Variants in DTWD2 observed in about 807,000 individuals in gnomAD.
DTWD2 encodes tRNA-uridine aminocarboxypropyltransferase 2.
A neutral mutation model predicts 31.8 loss-of-function variants in DTWD2; 39 were observed. That is an observed-to-expected ratio of 1.22 (90% CI 0.95 to 1.60). DTWD2 has a LOEUF of 1.60. Among genes scored for constraint, DTWD2 ranks in the 40% most tolerant of loss-of-function variants. The pLI, the probability that DTWD2 is intolerant of heterozygous loss-of-function variation, is 0.00. For missense variants in DTWD2, 515 were observed against 381.5 expected, an observed-to-expected ratio of 1.35 and a Z score of -2.92; for synonymous variants, 180 against 142.8, an observed-to-expected ratio of 1.26 and a Z score of -1.86.
rs1751579490 is a variant in DTWD2, at chr5:118,836,766, A to G, written c.*4151T>C. Among the ~76,000 whole-genome samples, 1 of 152,204 alleles carries G rather than the reference A, an allele frequency of 6.6e-6. No homozygotes were observed. The highest frequency in any genetic ancestry group is 2.1e-4 in the South Asian group (1 of 4,832). ...CCTTCCACTAGGTGAAGACACAGCT[A>G]GAATGCACCATCTATGAACCAGTGA... is the stretch of plus-strand genomic sequence containing the variant. On this transcript the variant is annotated 3_prime_UTR_variant, in exon 6 of 6. Transcript: ENST00000510708.
intron 4 of DTWD2, among the ~76,000 whole-genome samples, chr5:118,883,567 C>T (rs1474981096): frequency 6.6e-6 from 1 of 152,158 alleles, no homozygotes; most frequent in African/African-American, 2.4e-5. Flanking sequence ...CAGTTCCCCG[C>T]ATAGCTGAGG....
chr5:118,880,895 T>C (rs1215474189), intron 4 of DTWD2, among the ~76,000 whole-genome samples: 1 of 152,198 alleles, frequency 6.6e-6, no homozygotes, highest in Non-Finnish European at 1.5e-5. Context: ...TCAATATTTT[T>C]ATACAGCTTT....
chr5:118,846,959 C>T lies in DTWD2; in HGVS notation c.726+1131G>A, dbSNP rs866750533. Among the ~76,000 whole-genome samples the T allele has an allele frequency of 4.7e-3, 637 of 135,980 alleles. 8 individuals carry two copies. The highest frequency in any genetic ancestry group is 0.03 in the East Asian group (153 of 5,056). 89.2% of individuals were successfully genotyped at this position (135,980 alleles called of 152,430 possible). A position where few individuals can be genotyped will look rare whatever the true frequency, so the allele number is the denominator to read the frequency against. ...ACACACACACACACACACACACACA[C>T]ACACACATACACACGAAAATCCTAG... On this transcript the variant is annotated intron_variant, in intron 5 of 5. Coordinates refer to ENST00000510708, the MANE Select transcript of DTWD2 (RefSeq NM_173666.4).
chr5:118,980,741 C>A (rs1335928467), intron 1 of DTWD2, among the ~76,000 whole-genome samples: 1 of 152,188 alleles, frequency 6.6e-6, no homozygotes, highest in South Asian at 2.1e-4. Context: ...TGGAAAATAG[C>A]TTGACAATTC....
At chr5:118,952,120 A>C (rs1163760920) in intron 1 of DTWD2, among the ~76,000 whole-genome samples, 2 of 152,210 alleles carry the variant, frequency 1.3e-5, no homozygotes, top group Admixed American at 1.3e-4. Context: ...GACGCCGCTT[A>C]CCCAATTTAA....
At chr5:118,884,490 C>T (rs1158949870) in intron 4 of DTWD2, among the ~76,000 whole-genome samples, 2 of 152,180 alleles carry the variant, frequency 1.3e-5, no homozygotes, top group Non-Finnish European at 2.9e-5. Context: ...CACACTCATA[C>T]ACAAAGTTCA....
At chr5:118,973,850 GAGA>G (rs1203718600) in intron 1 of DTWD2, 4 of 1,612,258 alleles carry the variant, frequency 2.5e-6, no homozygotes, top group African/African-American at 1.3e-5. Context: ...GGACTTACAG[GAGA>G]AGAAGGAAGT....
chr5:118,962,093 C>CTGGGCATGGTG (rs1754719690), intron 1 of DTWD2, among the ~76,000 whole-genome samples: 1 of 152,018 alleles, frequency 6.6e-6, no homozygotes, highest in Non-Finnish European at 1.5e-5. Flanking sequence ...ACAAAATTAG[C>CTGGGCATGGTG]TGGGCATGGT....
At chr5:118,866,176 C>T (rs970831300) in intron 4 of DTWD2, among the ~76,000 whole-genome samples, 2 of 152,102 alleles carry the variant, frequency 1.3e-5, no homozygotes, top group South Asian at 2.1e-4. Context: ...AAGTCTCTCC[C>T]ACTTAAAATT....
At chr5:118,918,274 C>T (rs183744702) in intron 4 of DTWD2, among the ~76,000 whole-genome samples, 13 of 152,188 alleles carry the variant, frequency 8.5e-5, no homozygotes, top group African/African-American at 3.1e-4. Context: ...AGGTAAGAAA[C>T]ATCAAATGGA....
intron 4 of DTWD2, among the ~76,000 whole-genome samples, chr5:118,876,198 G>A (rs949177821): frequency 2.0e-5 from 3 of 152,076 alleles, no homozygotes; most frequent in Non-Finnish European, 4.4e-5. Context: ...TGGGACACAG[G>A]TAAGGCAGTG....
intron 3 of DTWD2, among the ~76,000 whole-genome samples, chr5:118,933,315 TA>T (rs1753967004): frequency 6.6e-6 from 1 of 152,202 alleles, no homozygotes; most frequent in Non-Finnish European, 1.5e-5. Context: ...ATTCATTCTA[TA>T]AGGCCAGCAT....
intron 4 of DTWD2, among the ~76,000 whole-genome samples, chr5:118,922,272 T>C (rs1324035649): frequency 6.6e-6 from 1 of 152,250 alleles, no homozygotes; most frequent in Non-Finnish European, 1.5e-5. Context: ...GAAGTTCACA[T>C]ACGGCTAGTT....
intron 1 of DTWD2, among the ~76,000 whole-genome samples, chr5:118,984,024 C>A (rs1266704008): frequency 6.6e-6 from 1 of 152,122 alleles, no homozygotes; most frequent in Non-Finnish European, 1.5e-5. Context: ...CAGTGGCTCA[C>A]GCCTGTAATC....
chr5:118,965,198 G>A (rs530579845), intron 1 of DTWD2, among the ~76,000 whole-genome samples: 12 of 150,570 alleles, frequency 8.0e-5, no homozygotes, highest in African/African-American at 2.7e-4. Flanking sequence ...GAGCCCCTCC[G>A]CCCAGCAGCC....
intron 4 of DTWD2, among the ~76,000 whole-genome samples, chr5:118,869,677 C>T (rs922516366): frequency 2.0e-5 from 3 of 152,182 alleles, no homozygotes; most frequent in African/African-American, 7.2e-5. Context: ...ATCATTAATT[C>T]TGTAGGTATG....
chr5:118,867,166 A>G (rs1752398173), intron 4 of DTWD2, among the ~76,000 whole-genome samples: 1 of 152,194 alleles, frequency 6.6e-6, no homozygotes, highest in African/African-American at 2.4e-5. Flanking sequence ...ACAGACAAGC[A>G]TATTACAAAA....
chr5:118,842,059 T>C (rs993996758), intron 5 of DTWD2, among the ~76,000 whole-genome samples: 2 of 152,190 alleles, frequency 1.3e-5, no homozygotes, highest in African/African-American at 4.8e-5. Context: ...ATATCATTCC[T>C]AACTATAATA....
At chr5:118,892,484 T>C (rs1356378144) in intron 4 of DTWD2, among the ~76,000 whole-genome samples, 1 of 152,160 alleles carries the variant, frequency 6.6e-6, no homozygotes, top group Non-Finnish European at 1.5e-5. Context: ...ACATCTTTAC[T>C]GAGGATTCTA....
Sources: gnomAD v4.1 joint callset for allele counts (sites outside exome capture counted in the v4.1 genomes callset) on GRCh38, gnomAD v4.1.1 for gene constraint, MANE v1.5 for transcripts, NCBI Gene and HGNC (gene_info 2026-07-23, HGNC 2026-07-21) for gene names.